Variants in ENTREP2 observed in about 807,000 individuals in gnomAD.
The protein encoded by ENTREP2 is endosomal transmembrane epsin interactor 2, also known as protein ENTREP2.
At chr15:29,200,530 G>A in the ENTREP2 span, among the ~76,000 whole-genome samples, 1 of 151,762 alleles carries the variant, frequency 6.6e-6, no homozygotes, top group African/African-American at 2.4e-5. Context: ...GTGTTGCTGG[G>A]ATTTTGATAG....
chr15:29,173,622 G>GA, the ENTREP2 span, among the ~76,000 whole-genome samples: 5 of 152,146 alleles, frequency 3.3e-5, no homozygotes, highest in African/African-American at 9.7e-5. Context: ...CTCATTACTG[G>GA]AAGGTTCTGA....
chr15:29,622,986 C>T, the ENTREP2 span, among the ~76,000 whole-genome samples: 2 of 152,172 alleles, frequency 1.3e-5, no homozygotes, highest in African/African-American at 2.4e-5. Flanking sequence ...CCACCCCAAA[C>T]ATCATCATCA....
chr15:29,374,464 A>G, the ENTREP2 span: 3 of 152,182 alleles, frequency 2.0e-5, no homozygotes, highest in Non-Finnish European at 2.9e-5. Flanking sequence ...AGTATAGTCT[A>G]AGAATCTTAC....
the ENTREP2 span, among the ~76,000 whole-genome samples, chr15:29,480,363 A>AC: frequency 1.3e-4 from 20 of 148,634 alleles, no homozygotes; most frequent in Admixed American, 4.7e-4. Context: ...AAAAAAAAAA[A>AC]AAACCCACAA....
the ENTREP2 span, among the ~76,000 whole-genome samples, chr15:29,329,295 G>A: frequency 1.1e-4 from 16 of 151,984 alleles, 1 homozygote; most frequent in South Asian, 2.1e-3. Flanking sequence ...CCCAGGAGGC[G>A]GAGGTTGCAG....
the ENTREP2 span, among the ~76,000 whole-genome samples, chr15:29,566,899 G>A: frequency 1.0e-3 from 141 of 137,934 alleles, 2 homozygotes; most frequent in East Asian, 0.019. Flanking sequence ...CAATGGCTAC[G>A]TCTTTACCAA....
chr15:29,509,381 C>T, the ENTREP2 span, among the ~76,000 whole-genome samples: 1 of 152,058 alleles, frequency 6.6e-6, no homozygotes, highest in East Asian at 1.9e-4. Context: ...TGACTTTCTT[C>T]ACAAAATTAG....
chr15:29,514,836 A>G, the ENTREP2 span, among the ~76,000 whole-genome samples: 3 of 152,200 alleles, frequency 2.0e-5, no homozygotes, highest in African/African-American at 7.2e-5. Flanking sequence ...GAATGAAAAC[A>G]TGAATCATGA....
the ENTREP2 span, among the ~76,000 whole-genome samples, chr15:29,652,968 A>G: frequency 6.6e-6 from 1 of 152,188 alleles, no homozygotes; most frequent in Non-Finnish European, 1.5e-5. Context: ...GGCCAGAAAA[A>G]TAACACCCAA....
chr15:29,222,028 C>T, the ENTREP2 span, among the ~76,000 whole-genome samples: 18 of 152,320 alleles, frequency 1.2e-4, no homozygotes, highest in Middle Eastern at 6.8e-3. Flanking sequence ...ACCAGAGTAA[C>T]TCCATCTTGG....
chr15:29,136,323 C>T, the ENTREP2 span: 7 of 1,460,480 alleles, frequency 4.8e-6, no homozygotes, highest in African/African-American at 1.0e-4. Flanking sequence ...GTGTCCCTAG[C>T]ATTCCCACGG....
At chr15:29,265,821 A>G in the ENTREP2 span, 1 of 152,248 alleles carries the variant, frequency 6.6e-6, no homozygotes, top group Non-Finnish European at 1.5e-5. Flanking sequence ...GGAAAAATAC[A>G]AAAACTATTT....
At chr15:29,505,673 C>A in the ENTREP2 span, among the ~76,000 whole-genome samples, 344 of 152,246 alleles carry the variant, frequency 2.3e-3, 1 homozygote, top group African/African-American at 8.0e-3. This position sits in a 1 kb window ranked among gnomAD's most constrained non-coding sequence, Gnocchi z 4.3. Context: ...GGCCTGATGA[C>A]CGTTAGAAGG....
At chr15:29,270,668 A>T in the ENTREP2 span, among the ~76,000 whole-genome samples, 2 of 152,170 alleles carry the variant, frequency 1.3e-5, no homozygotes, top group Non-Finnish European at 2.9e-5. Context: ...AAAAGAGAAC[A>T]CTGGGGGATT....
the ENTREP2 span, among the ~76,000 whole-genome samples, chr15:29,255,328 G>C: frequency 2.6e-5 from 4 of 152,086 alleles, no homozygotes; most frequent in Non-Finnish European, 5.9e-5. Flanking sequence ...TTCACAATGA[G>C]ATACCATCTC....
the ENTREP2 span, among the ~76,000 whole-genome samples, chr15:29,603,666 C>T: frequency 1.3e-5 from 2 of 151,988 alleles, no homozygotes; most frequent in African/African-American, 4.8e-5. Context: ...TGAGACAGAG[C>T]CTCGCTCTGT....
chr15:29,357,244 A>C, the ENTREP2 span, among the ~76,000 whole-genome samples: 1 of 152,244 alleles, frequency 6.6e-6, no homozygotes, highest in East Asian at 1.9e-4. Flanking sequence ...GAGAAAAAAA[A>C]AGAAGCAAAT....
the ENTREP2 span, among the ~76,000 whole-genome samples, chr15:29,419,159 C>T: frequency 1.3e-5 from 2 of 152,152 alleles, no homozygotes; most frequent in South Asian, 4.1e-4. Context: ...AGGTGATGAA[C>T]ACCAGATAAT....
chr15:29,404,121 G>C, the ENTREP2 span, among the ~76,000 whole-genome samples: 21 of 152,204 alleles, frequency 1.4e-4, no homozygotes, highest in African/African-American at 5.1e-4. Context: ...GGGAGGAAGG[G>C]GGCACGAGGC....
Sources: gnomAD v4.1 joint callset for allele counts (sites outside exome capture counted in the v4.1 genomes callset) on GRCh38, gnomAD v4.1.1 for gene constraint, Gnocchi (gnomAD v3.1) non-coding constraint, MANE v1.5 for transcripts, NCBI Gene and HGNC (gene_info 2026-07-23, HGNC 2026-07-21) for gene names.